The following DLGAP1 variants were observed in gnomAD, a reference collection of about 807,000 sequenced individuals.
The protein encoded by DLGAP1 is disks large-associated protein 1.
Under a neutral mutation model 90.8 loss-of-function variants are expected in DLGAP1, and 11 were observed. That is an observed-to-expected ratio of 0.12 (90% CI 0.08 to 0.20). DLGAP1 has a LOEUF of 0.20. Among genes scored for constraint, DLGAP1 ranks in the 10% least tolerant of loss-of-function variants. DLGAP1 has a pLI of 1.00. For missense variants in DLGAP1, 1,050 were observed against 1,333.8 expected (o/e 0.79, Z 3.31); for synonymous variants, 558 against 540.7 (o/e 1.03, Z -0.44).
intron 4 of DLGAP1, among the ~76,000 whole-genome samples, chr18:3,847,727 A>G (rs1184654073): frequency 1.3e-5 from 2 of 152,176 alleles, no homozygotes; most frequent in Non-Finnish European, 2.9e-5. Flanking sequence ...AAGTATTCCA[A>G]TGAAAGAAAC....
intron 4 of DLGAP1, among the ~76,000 whole-genome samples, chr18:3,839,095 G>C (rs2068562409): frequency 6.6e-6 from 1 of 152,200 alleles, no homozygotes; most frequent in South Asian, 2.1e-4. Flanking sequence ...TTGCTTTTGA[G>C]AGGTTAAGGT....
At chr18:4,165,180 T>G (rs944567006) in intron 1 of DLGAP1, among the ~76,000 whole-genome samples, 1 of 152,074 alleles carries the variant, frequency 6.6e-6, no homozygotes, top group African/African-American at 2.4e-5. Flanking sequence ...GTAGACTAAT[T>G]AAAATTAAAC....
Position 3,729,339 on chromosome 18 carries a change from C to T in DLGAP1, c.1387G>A (p.Val463Met). Residue 463 changes from valine to methionine, a missense_variant, in exon 7 of 13, where the codon GTG becomes ATG. Val to Met is a conservative substitution (Grantham distance 21). Around this residue, in one of 2 missense-constraint regions of DLGAP1, gnomAD observed 565 missense variants for 879.7 expected, o/e 0.64. Coordinates refer to ENST00000315677, the MANE Select transcript of DLGAP1 (RefSeq NM_004746.4). The surrounding 1 kb of genome is among the most constrained non-coding windows in gnomAD (Gnocchi z 6.2). ...EMEVNGQFESVCESVFSELES... is the reference protein window; with the variant it reads ...EMEVNGQFESMCESVFSELES... ...AGCTCGCTGAACACGGACTCGCACA[C>T]GGACTCGAACTGCCCGTTCACTTCC... 1.2e-6 allele frequency: 2 copies of T among 1,613,846 alleles called. No homozygotes were observed. Among genetic ancestry groups the T allele is most frequent in the Non-Finnish European group, 1.7e-6 (2 of 1,179,764 alleles).
At chr18:3,688,528 G>A (rs955337216) in intron 7 of DLGAP1, among the ~76,000 whole-genome samples, 8 of 151,592 alleles carry the variant, frequency 5.3e-5, no homozygotes, top group African/African-American at 1.9e-4. Context: ...CTACTACAAT[G>A]TCTCAGAACA....
intron 7 of DLGAP1, among the ~76,000 whole-genome samples, chr18:3,598,723 C>T (rs2056736075): frequency 6.6e-6 from 1 of 152,126 alleles, no homozygotes; most frequent in African/African-American, 2.4e-5. Context: ...CTGCCTTGGC[C>T]TCCCAAAGTG....
intron 7 of DLGAP1, among the ~76,000 whole-genome samples, chr18:3,600,565 T>C (rs1339958023): frequency 2.0e-5 from 3 of 151,094 alleles, no homozygotes; most frequent in African/African-American, 4.9e-5. Context: ...GTTTTTATTA[T>C]AATTGTAGTA....
intron 4 of DLGAP1, among the ~76,000 whole-genome samples, chr18:3,828,191 C>G (rs999325431): frequency 2.6e-5 from 4 of 152,140 alleles, no homozygotes; most frequent in African/African-American, 9.7e-5. Context: ...AAAACACCAG[C>G]CAGGGTTGGA....
At position 4,378,912 on chromosome 18, in the gene DLGAP1, A is replaced by G. The variant is rs569703312; in HGVS notation, c.-267+76094T>C. ...TCCTCTCTCCTGGGAGCTCTTTGAC[A>G]ACTACACACCCACCACTCCCCTCCA... On this transcript the variant is annotated intron_variant, in intron 1 of 12. Coordinates refer to ENST00000315677, the MANE Select transcript of DLGAP1 (RefSeq NM_004746.4). The surrounding 1 kb of genome is among the most constrained non-coding windows in gnomAD (Gnocchi z 4.5). Among the ~76,000 whole-genome samples, 2 of 152,096 alleles carry G rather than the reference A, an allele frequency of 1.3e-5. No individual in the cohort carries two copies. The highest frequency in any genetic ancestry group is 3.9e-4 in the East Asian group (2 of 5,156).
At chr18:4,191,083 T>G (rs2077390660) in intron 1 of DLGAP1, among the ~76,000 whole-genome samples, 1 of 152,228 alleles carries the variant, frequency 6.6e-6, no homozygotes, top group African/African-American at 2.4e-5. Flanking sequence ...CAAAAATTTT[T>G]TTCATTCATG....
At chr18:4,124,812 A>G (rs2076207611) in intron 2 of DLGAP1, among the ~76,000 whole-genome samples, 1 of 152,168 alleles carries the variant, frequency 6.6e-6, no homozygotes, top group African/African-American at 2.4e-5. Context: ...GATATGGGCT[A>G]TTTCCTAGCC....
intron 7 of DLGAP1, among the ~76,000 whole-genome samples, chr18:3,630,906 A>G (rs2058499934): frequency 6.6e-6 from 1 of 152,210 alleles, no homozygotes. Flanking sequence ...TTGATATTGC[A>G]TTAAATTTAT....
chr18:3,785,124 A>T (rs1363529232), intron 5 of DLGAP1, among the ~76,000 whole-genome samples: 1 of 152,196 alleles, frequency 6.6e-6, no homozygotes, highest in Non-Finnish European at 1.5e-5. Flanking sequence ...CACTGATGGA[A>T]GTAGTTTTGA....
chr18:3,583,191 T>TTCCTTCCTTCCC (rs2055662729), intron 7 of DLGAP1, among the ~76,000 whole-genome samples: 1 of 147,270 alleles, frequency 6.8e-6, no homozygotes, highest in Non-Finnish European at 1.5e-5. Context: ...CCTACCTTCC[T>TTCCTTCCTTCCC]TCCTTCCTTC....
chr18:3,497,322 C>T lies in DLGAP1; in HGVS notation c.*1863G>A, dbSNP rs1290112085. 1 of 152,114 alleles carries T rather than the reference C, an allele frequency of 6.6e-6. No individual in the cohort carries two copies. Among genetic ancestry groups the T allele is most frequent in the Non-Finnish European group, 1.5e-5 (1 of 68,014 alleles). 9.4% of individuals were successfully genotyped at this position (152,114 alleles called of 1,614,324 possible). ...CCAATTTCACAAAGCACTTTGAGTG[C>T]TTTGTTCACCCTAGTTAAAAGTTGG... On this transcript the variant is annotated 3_prime_UTR_variant, in exon 13 of 13. Transcript: ENST00000315677.
chr18:3,705,951 G>A (rs950344510), intron 7 of DLGAP1, among the ~76,000 whole-genome samples: 5 of 148,796 alleles, frequency 3.4e-5, no homozygotes, highest in Admixed American at 6.7e-5. Context: ...GAGCCACCGC[G>A]CTCGGCCCCC....
chr18:3,905,835 A>ACTT (rs2071894544), intron 3 of DLGAP1, among the ~76,000 whole-genome samples: 1 of 152,164 alleles, frequency 6.6e-6, no homozygotes, highest in South Asian at 2.1e-4. Flanking sequence ...CATAATCCTC[A>ACTT]CTTAGAGGTA....
intron 7 of DLGAP1, among the ~76,000 whole-genome samples, chr18:3,675,347 T>G (rs143976109): frequency 6.6e-6 from 1 of 152,286 alleles, no homozygotes; most frequent in East Asian, 1.9e-4. Flanking sequence ...AGTGCTAGGA[T>G]TACAGGTGTG....
intron 7 of DLGAP1, among the ~76,000 whole-genome samples, chr18:3,650,044 G>A (rs1639363): frequency 0.32 from 48,961 of 151,784 alleles, 9,872 homozygotes; most frequent in African/African-American, 0.57. Flanking sequence ...ACTGTTTTTT[G>A]TTTTTTTATT....
At chr18:4,444,479 A>T (rs2083613414) in intron 1 of DLGAP1, among the ~76,000 whole-genome samples, 1 of 152,194 alleles carries the variant, frequency 6.6e-6, no homozygotes, top group Admixed American at 6.5e-5. Flanking sequence ...TAGGAACAGC[A>T]CATACAGCCT....
Sources: allele counts gnomAD v4.1 joint callset (sites outside exome capture counted in the v4.1 genomes callset), GRCh38; gene constraint gnomAD v4.1.1; regional missense constraint gnomAD v4.1.1; non-coding constraint Gnocchi (gnomAD v3.1); transcripts MANE v1.5; gene names NCBI Gene and HGNC (gene_info 2026-07-23, HGNC 2026-07-21).